TRAM1: variants seen among roughly 807,000 people sequenced by gnomAD.
TRAM1 encodes translocation associated membrane protein 1.
TRAM1 carries 17 observed loss-of-function variants against 48.7 expected under a neutral mutation model. The observed-to-expected ratio is 0.35, with a 90% CI of 0.24 to 0.52. TRAM1 has a LOEUF of 0.52. Ranked by LOEUF, TRAM1 falls within the 20% of genes least tolerant of loss-of-function variation. TRAM1 has a pLI of 0.94. For synonymous variants in TRAM1, 182 were observed against 154.0 expected, an observed-to-expected ratio of 1.18 and a Z score of -1.34; for missense variants, 351 against 441.5, an observed-to-expected ratio of 0.79 and a Z score of 1.84.
chr8:70,577,593 T>C (rs1289986088), intron 10 of TRAM1, among the ~76,000 whole-genome samples: 1 of 152,250 alleles, frequency 6.6e-6, no homozygotes, highest in Non-Finnish European at 1.5e-5. Flanking sequence ...GTTGTCTGCA[T>C]ACCTCATTCT....
intron 1 of TRAM1, chr8:70,607,313 T>A: frequency 1.0e-6 from 1 of 985,326 alleles, no homozygotes; most frequent in Non-Finnish European, 1.2e-6. Flanking sequence ...GAAACAAAAT[T>A]ACTCGATTCC....
intron 8 of TRAM1, among the ~76,000 whole-genome samples, chr8:70,585,050 C>T (rs1817180447): frequency 6.6e-6 from 1 of 152,118 alleles, no homozygotes; most frequent in Non-Finnish European, 1.5e-5. Context: ...CCACAGTAAC[C>T]AAAACAGCAT....
intron 10 of TRAM1, among the ~76,000 whole-genome samples, chr8:70,579,366 A>G (rs999041328): frequency 6.6e-6 from 1 of 152,240 alleles, no homozygotes; most frequent in East Asian, 1.9e-4. Context: ...ATTATCTTAT[A>G]GGACCAGTGT....
intron 1 of TRAM1, among the ~76,000 whole-genome samples, chr8:70,602,358 G>A (rs1160131138): frequency 6.6e-6 from 1 of 152,144 alleles, no homozygotes; most frequent in Admixed American, 6.5e-5. Flanking sequence ...GAGCTTGTGT[G>A]GGGGCAACAG....
At chr8:70,607,491 C>T in intron 1 of TRAM1, 2 of 985,516 alleles carry the variant, frequency 2.0e-6, no homozygotes, top group Non-Finnish European at 2.4e-6. Context: ...CCCTTCAAGT[C>T]GAAAGCAGAT....
intron 1 of TRAM1, among the ~76,000 whole-genome samples, chr8:70,602,733 A>G (rs1353285238): frequency 6.6e-6 from 1 of 152,240 alleles, no homozygotes; most frequent in Non-Finnish European, 1.5e-5. Flanking sequence ...TTTGATTTGC[A>G]ATATTATCTA....
chr8:70,594,977 C>G (rs897819259), intron 5 of TRAM1, among the ~76,000 whole-genome samples: 32 of 150,526 alleles, frequency 2.1e-4, no homozygotes, highest in Admixed American at 2.1e-3. Flanking sequence ...GACACAAAAG[C>G]AAAGGCTCAT....
chr8:70,584,647 A>T (rs1314786499), intron 8 of TRAM1, among the ~76,000 whole-genome samples: 1 of 152,232 alleles, frequency 6.6e-6, no homozygotes, highest in Admixed American at 6.5e-5. Flanking sequence ...TAACAGACAG[A>T]GAGCCAAATC....
chr8:70,595,038 GTT>G (rs11464494), intron 5 of TRAM1, among the ~76,000 whole-genome samples: 2 of 146,054 alleles, frequency 1.4e-5, no homozygotes, highest in African/African-American at 2.5e-5. Flanking sequence ...AATATCCTCT[GTT>G]TTTTTTTTTT....
At chr8:70,586,037 T>C (rs1283816945) in intron 8 of TRAM1, among the ~76,000 whole-genome samples, 26 of 150,778 alleles carry the variant, frequency 1.7e-4, no homozygotes, top group East Asian at 1.9e-4. Flanking sequence ...TGTCCAACAA[T>C]GATAGACTGG....
intron 1 of TRAM1, among the ~76,000 whole-genome samples, chr8:70,603,301 T>TACACACAC (rs1817645310): frequency 5.1e-5 from 2 of 39,068 alleles, no homozygotes; most frequent in African/African-American, 2.9e-4. Flanking sequence ...ATATATGTTT[T>TACACACAC]ATACACACAC....
At chr8:70,575,943 G>A (rs1816936899) in intron 10 of TRAM1, among the ~76,000 whole-genome samples, 1 of 151,684 alleles carries the variant, frequency 6.6e-6, no homozygotes, top group African/African-American at 2.4e-5. Flanking sequence ...TGGTTGTGGT[G>A]GTGGGTGCCT....
intron 5 of TRAM1, 112 bp from the exon 6 acceptor site, chr8:70,594,702 TC>T: frequency 1.3e-6 from 1 of 769,734 alleles, no homozygotes; most frequent in Non-Finnish European, 2.0e-6. Context: ...GTGTCATCAT[TC>T]CATACAATAT....
At chr8:70,600,936 C>T (rs1167952677) in intron 1 of TRAM1, among the ~76,000 whole-genome samples, 1 of 152,154 alleles carries the variant, frequency 6.6e-6, no homozygotes, top group Non-Finnish European at 1.5e-5. Flanking sequence ...GCAGTGAACA[C>T]AAGGCCAGGC....
chr8:70,576,098 A>C (rs1015062821), intron 10 of TRAM1, among the ~76,000 whole-genome samples: 5 of 148,000 alleles, frequency 3.4e-5, no homozygotes, highest in East Asian at 2.0e-4. Flanking sequence ...AAAAAAAACC[A>C]CACAAAAAAA....
chr8:70,607,891 C>T, intron 1 of TRAM1, 186 bp downstream of exon 1: 1 of 648,496 alleles, frequency 1.5e-6, no homozygotes, highest in Non-Finnish European at 2.2e-6. Flanking sequence ...TCCGGGCCGG[C>T]CGCCGGGGAG....
intron 8 of TRAM1, among the ~76,000 whole-genome samples, chr8:70,586,234 C>T (rs1201689207): frequency 3.2e-5 from 4 of 126,922 alleles, no homozygotes; most frequent in African/African-American, 6.2e-5. Context: ...GAGAACACAT[C>T]GACACAGGAG....
At chr8:70,607,416 G>A (rs1286065059) in intron 1 of TRAM1, 1 of 985,378 alleles carries the variant, frequency 1.0e-6, no homozygotes, top group African/African-American at 1.7e-5. Flanking sequence ...AATAATATCA[G>A]TTTAAAAGAC....
At chr8:70,594,464 A>G (rs368983275) in intron 6 of TRAM1, 42 bp downstream of exon 6, 1 of 1,538,906 alleles carries the variant, frequency 6.5e-7, no homozygotes, top group Non-Finnish European at 8.7e-7. Flanking sequence ...TCAAAAAAAA[A>G]AATGACAAGA....
Sources: gnomAD v4.1 joint callset for allele counts (sites outside exome capture counted in the v4.1 genomes callset) on GRCh38, gnomAD v4.1.1 for gene constraint, MANE v1.5 for transcripts, NCBI Gene and HGNC (gene_info 2026-07-23, HGNC 2026-07-21) for gene names.